Variants in TRAK1 observed in about 807,000 individuals in gnomAD.
TRAK1 encodes the protein trafficking kinesin protein 1.
In TRAK1, 33 loss-of-function variants were observed where a neutral mutation model predicts 92.1. That is an observed-to-expected ratio of 0.36 (90% CI 0.27 to 0.48). TRAK1 has a LOEUF of 0.48. Ranked by LOEUF, TRAK1 falls within the 20% of genes least tolerant of loss-of-function variation. TRAK1 has a pLI of 0.99. For synonymous variants in TRAK1, 521 were observed against 517.3 expected (o/e 1.01, Z -0.10); for missense variants, 1,123 against 1,257.9 (o/e 0.89, Z 1.62).
chr3:42,177,220 A>G (rs1298178590), intron 3 of TRAK1, among the ~76,000 whole-genome samples: 3 of 152,238 alleles, frequency 2.0e-5, no homozygotes, highest in Non-Finnish European at 2.9e-5. Context: ...TCAGAAAAAT[A>G]TATCATATCT....
At chr3:42,143,636 G>T (rs1002970898) in intron 2 of TRAK1, among the ~76,000 whole-genome samples, 2 of 152,184 alleles carry the variant, frequency 1.3e-5, no homozygotes, top group African/African-American at 4.8e-5. Flanking sequence ...TGGCTGTGAG[G>T]CTTACCCGAG....
intron 2 of TRAK1, among the ~76,000 whole-genome samples, chr3:42,153,645 T>C (rs1700208057): frequency 6.6e-6 from 1 of 152,148 alleles, no homozygotes; most frequent in South Asian, 2.1e-4. Flanking sequence ...TAATGAAGAT[T>C]TATGGTATAC....
intron 1 of TRAK1, among the ~76,000 whole-genome samples, chr3:42,118,860 G>A (rs1348886365): frequency 6.6e-6 from 1 of 152,226 alleles, no homozygotes; most frequent in Non-Finnish European, 1.5e-5. Context: ...GAGCAATTGA[G>A]GGGACATTTA....
intron 13 of TRAK1, among the ~76,000 whole-genome samples, chr3:42,207,442 T>C (rs1321363758): frequency 6.6e-6 from 1 of 152,210 alleles, no homozygotes; most frequent in Non-Finnish European, 1.5e-5. Flanking sequence ...TGGGTTTTGA[T>C]GGGTGGGCAG....
intron 14 of TRAK1, chr3:42,218,143 G>A: frequency 1.0e-6 from 1 of 985,236 alleles, no homozygotes; most frequent in Middle Eastern, 5.2e-4. Flanking sequence ...TTTGTACTCT[G>A]GATTTGTCCT....
Position 42,184,811 on chromosome 3 carries a change from T to C in TRAK1, c.480+10T>C, listed in dbSNP as rs1185130460. On this transcript the variant is annotated intron_variant, in intron 4 of 15. Transcript: ENST00000327628. ...ACACATCAGGGAGGAGGTAAGACAT[T>C]GGAGGCCGAGGCTTCCAGAGGGGCC... 5.0e-6 allele frequency: 8 copies of C among 1,611,604 alleles called. No individual in the cohort carries two copies. The highest frequency in any genetic ancestry group is 2.7e-5 in the African/African-American group (2 of 74,906).
In TRAK1 at chr3:42,223,010, C is replaced by T; in HGVS notation, c.2135C>T (p.Pro712Leu). The T allele has an allele frequency of 6.2e-7, 1 of 1,614,130 alleles. No homozygotes were observed. Among genetic ancestry groups the T allele is most frequent in the Non-Finnish European group, 8.5e-7 (1 of 1,180,006 alleles). The change falls in exon 16 of 16, where the codon CCA (proline) becomes CTA (leucine). Residue 712 changes from proline (P) to leucine (L), a missense_variant. Around this residue, in one of 3 missense-constraint regions of TRAK1, gnomAD observed 401 missense variants for 438.9 expected, o/e 0.91. Coordinates refer to ENST00000327628, the MANE Select transcript of TRAK1 (RefSeq NM_001042646.3). The surrounding 1 kb of genome is among the most constrained non-coding windows in gnomAD (Gnocchi z 6.1). ...TTGAAATCCACGCCGGTGGCCACAC[C>T]ATGCACTCCACGGAGACTGAGCCTG... Reference protein sequence around the residue: ...SHLKSTPVATPCTPRRLSLAE... With the variant: ...SHLKSTPVATLCTPRRLSLAE...
At chr3:42,035,089 G>A (rs149625422) in intron 1 of TRAK1, among the ~76,000 whole-genome samples, 1 of 151,990 alleles carries the variant, frequency 6.6e-6, no homozygotes, top group Non-Finnish European at 1.5e-5. Flanking sequence ...CCTGTTATTC[G>A]AGCACCCATA....
upstream of TRAK1, among the ~76,000 whole-genome samples, chr3:42,090,521 A>G (rs1677798430): frequency 6.6e-6 from 1 of 152,186 alleles, no homozygotes; most frequent in African/African-American, 2.4e-5. Context: ...CCCCGTCTCT[A>G]CTAAAAATAT....
At chr3:42,142,088 C>CACTCT in intron 2 of TRAK1, among the ~76,000 whole-genome samples, 1 of 152,104 alleles carries the variant, frequency 6.6e-6, no homozygotes, top group Non-Finnish European at 1.5e-5. Context: ...GCTGAGATTG[C>CACTCT]GCCACTGCAC....
intron 2 of TRAK1, among the ~76,000 whole-genome samples, chr3:42,137,039 A>G (rs555426827): frequency 6.6e-6 from 1 of 152,338 alleles, no homozygotes; most frequent in South Asian, 2.1e-4. Flanking sequence ...TAAAAACAAA[A>G]AGATGACTAA....
intron 2 of TRAK1, among the ~76,000 whole-genome samples, chr3:42,176,061 A>G (rs1703167850): frequency 6.6e-6 from 1 of 152,222 alleles, no homozygotes; most frequent in Non-Finnish European, 1.5e-5. Flanking sequence ...TTAGCAGACA[A>G]AAGCGTTCTT....
chr3:42,218,831 T>G (rs1259904550), intron 14 of TRAK1: 1 of 985,298 alleles, frequency 1.0e-6, no homozygotes, highest in Admixed American at 6.1e-5. Context: ...CTGCTCACAC[T>G]GCTGTGTGTC....
chr3:42,223,703 G>A lies in TRAK1; in HGVS notation c.2828G>A (p.Gly943Asp), dbSNP rs1431269865. The A allele has an allele frequency of 1.2e-6, 2 of 1,609,180 alleles. No homozygotes were observed. The highest frequency in any genetic ancestry group is 1.7e-6 in the Non-Finnish European group (2 of 1,176,008). Residue 943 changes from glycine to aspartate, a missense_variant, in exon 16 of 16, where the codon GGT becomes GAT. Around this residue, in one of 3 missense-constraint regions of TRAK1, gnomAD observed 401 missense variants for 438.9 expected, o/e 0.91. Transcript: ENST00000327628. The surrounding 1 kb of genome is among the most constrained non-coding windows in gnomAD (Gnocchi z 6.1). The part of the protein sequence containing the change: ...PVTLTSGILM[G>D]AKLSKQTSLR ...ACTCTCACCTCGGGCATCTTGATGG[G>A]TGCTAAGCTCTCCAAACAAACTAGC...
chr3:42,219,696 C>A, intron 15 of TRAK1, 100 bp downstream of exon 15: 2 of 1,298,802 alleles, frequency 1.5e-6, no homozygotes, highest in Non-Finnish European at 1.1e-6. Flanking sequence ...TAGAGAGGCT[C>A]ATAGAAAAAC....
rs1559810211 is a variant in TRAK1 at position 42,132,236 on chromosome 3, TG to T, written c.286+6623del. Among the ~76,000 whole-genome samples the T allele has an allele frequency of 1.5e-4, 17 of 112,806 alleles. No homozygotes were observed. The East Asian group carries it at 4.5e-3, about 30-fold the overall frequency. The allele number at this position is 112,806 out of a possible 152,430, so 74.0% of individuals were successfully genotyped here. On this transcript the variant is annotated intron_variant, in intron 2 of 15. Coordinates refer to ENST00000327628, the MANE Select transcript of TRAK1 (RefSeq NM_001042646.3). ...TTACTTGTATTACTTGTAAATGCTA[TG>T]TTTTTTGTTTTTTTTTTTTTGTTTG... is the stretch of plus-strand genomic sequence containing the variant.
chr3:42,166,641 A>C (rs1441814189), intron 2 of TRAK1, among the ~76,000 whole-genome samples: 3 of 152,250 alleles, frequency 2.0e-5, no homozygotes, highest in Admixed American at 2.0e-4. Context: ...ACCCAGTAGT[A>C]GTATACTCAT....
At chr3:42,116,238 C>T (rs1048631913) in intron 1 of TRAK1, among the ~76,000 whole-genome samples, 3 of 152,240 alleles carry the variant, frequency 2.0e-5, no homozygotes, top group African/African-American at 7.2e-5. Context: ...TGCTCTGTGA[C>T]ATTTGGCCAC....
chr3:42,195,026 TG>T, intron 10 of TRAK1, 85 bp downstream of exon 10: 1 of 1,532,536 alleles, frequency 6.5e-7, no homozygotes, highest in Non-Finnish European at 8.8e-7. Context: ...CCACTGGAGT[TG>T]GGTGTTCACA....
Sources: gnomAD v4.1 joint callset for allele counts (sites outside exome capture counted in the v4.1 genomes callset) on GRCh38, gnomAD v4.1.1 for gene constraint, gnomAD v4.1.1 regional missense constraint, Gnocchi (gnomAD v3.1) non-coding constraint, MANE v1.5 for transcripts, NCBI Gene and HGNC (gene_info 2026-07-23, HGNC 2026-07-21) for gene names.